Variants in PLCB1 observed in about 807,000 individuals in gnomAD.
PLCB1 encodes the protein phospholipase C beta 1, also known as 1-phosphatidylinositol 4,5-bisphosphate phosphodiesterase beta-1.
Under a neutral mutation model 161.8 loss-of-function variants are expected in PLCB1, and 46 were observed. That is an observed-to-expected ratio of 0.28 (90% CI 0.22 to 0.36). The LOEUF (loss-of-function observed/expected upper bound fraction) is 0.36. PLCB1 is among the 10% of genes least tolerant of loss of function. The pLI is 1.00. For missense variants in PLCB1, 1,016 were observed against 1,472.5 expected (o/e 0.69, Z 5.07); for synonymous variants, 517 against 503.7 (o/e 1.03, Z -0.35).
At chr20:8,643,909 C>T (rs1033471346) in intron 4 of PLCB1, among the ~76,000 whole-genome samples, 13 of 152,200 alleles carry the variant, frequency 8.5e-5, no homozygotes, top group Non-Finnish European at 1.5e-4. Flanking sequence ...ATTCTCCTGC[C>T]TCAGCCTGCC....
At chr20:8,491,231 A>G (rs1982933367) in intron 3 of PLCB1, among the ~76,000 whole-genome samples, 1 of 152,024 alleles carries the variant, frequency 6.6e-6, no homozygotes, top group Non-Finnish European at 1.5e-5. Flanking sequence ...TCCATCTATG[A>G]GCATGGTATA....
chr20:8,550,437 G>T (rs1020476339), intron 3 of PLCB1, among the ~76,000 whole-genome samples: 1 of 152,044 alleles, frequency 6.6e-6, no homozygotes, highest in Non-Finnish European at 1.5e-5. Flanking sequence ...CATGAGATCT[G>T]ATGGTCATAT....
chr20:8,739,010 G>T (rs1980728751), intron 20 of PLCB1, among the ~76,000 whole-genome samples: 1 of 152,134 alleles, frequency 6.6e-6, no homozygotes, highest in Non-Finnish European at 1.5e-5. Flanking sequence ...AAATTAGTCA[G>T]GTGTGGGGGC....
intron 2 of PLCB1, among the ~76,000 whole-genome samples, chr20:8,336,904 A>G (rs765480166): frequency 9.2e-5 from 14 of 151,976 alleles, no homozygotes; most frequent in Non-Finnish European, 1.8e-4. Flanking sequence ...TATGATTATA[A>G]TCTTTCCTTT....
At chr20:8,519,349 G>C (rs1179817667) in intron 3 of PLCB1, among the ~76,000 whole-genome samples, 1 of 152,006 alleles carries the variant, frequency 6.6e-6, no homozygotes, top group Non-Finnish European at 1.5e-5. Context: ...GGAAAGATAA[G>C]GAAAAACTTC....
chr20:8,563,219 C>T (rs1396828638), intron 3 of PLCB1, among the ~76,000 whole-genome samples: 1 of 151,832 alleles, frequency 6.6e-6, no homozygotes, highest in Admixed American at 6.6e-5. Flanking sequence ...GAATTAGGAG[C>T]AAGTAATTGA....
chr20:8,195,935 T>A (rs1331686421), intron 2 of PLCB1, among the ~76,000 whole-genome samples: 1 of 152,090 alleles, frequency 6.6e-6, no homozygotes, highest in Non-Finnish European at 1.5e-5. Context: ...GGCTCACAGT[T>A]CTGCTTGGCT....
At chr20:8,235,034 A>G (rs1187445591) in intron 2 of PLCB1, among the ~76,000 whole-genome samples, 6 of 152,092 alleles carry the variant, frequency 3.9e-5, no homozygotes, top group Non-Finnish European at 8.8e-5. Flanking sequence ...TGTCTCCTCA[A>G]AGATAACAAC....
rs551290479 is a variant in PLCB1, at chr20:8,188,137, A to G, written c.177+37766A>G. ...TGTATGAGGCTCTGGTCTTCCCAAC[A>G]TGTGTTTGTTGTGGGGCCCAGGTTT... On this transcript the variant is annotated intron_variant, in intron 2 of 31. Transcript: ENST00000338037. 1.2e-3 allele frequency among the ~76,000 whole-genome samples: 177 copies of G among 152,130 alleles called. 1 individual carries two copies. The highest frequency in any genetic ancestry group is 3.6e-3 in the African/African-American group (150 of 41,514).
intron 4 of PLCB1, among the ~76,000 whole-genome samples, chr20:8,638,351 C>T (rs1319704286): frequency 6.6e-6 from 1 of 151,720 alleles, no homozygotes; most frequent in African/African-American, 2.4e-5. Context: ...GTAGAGGTGA[C>T]AGGGAGGAAA....
intron 2 of PLCB1, among the ~76,000 whole-genome samples, chr20:8,259,419 C>T (rs974786800): frequency 6.6e-6 from 1 of 151,898 alleles, no homozygotes; most frequent in African/African-American, 2.4e-5. Flanking sequence ...GACTTAGAGA[C>T]CAGCCTGGGC....
At chr20:8,739,481 A>T (rs1980758738) in intron 21 of PLCB1, 121 bp downstream of exon 21, 1 of 670,244 alleles carries the variant, frequency 1.5e-6, no homozygotes, top group African/African-American at 1.8e-5. Context: ...GTTATGTAAC[A>T]AGGGCGATGA....
intron 3 of PLCB1, among the ~76,000 whole-genome samples, chr20:8,417,908 T>C (rs1483732961): frequency 6.6e-6 from 1 of 152,236 alleles, no homozygotes; most frequent in Non-Finnish European, 1.5e-5. Flanking sequence ...ACAAGAGGAC[T>C]CCTAAGTGTT....
intron 3 of PLCB1, among the ~76,000 whole-genome samples, chr20:8,591,035 C>T (rs1410045922): frequency 6.6e-6 from 1 of 152,122 alleles, no homozygotes; most frequent in Non-Finnish European, 1.5e-5. Context: ...CATGTGTTCT[C>T]ATTGTTCAGC....
rs73089657 is a variant in PLCB1 at position 8,873,329 on chromosome 20, G to A, written c.3424-8293G>A. On this transcript the variant is annotated intron_variant, in intron 31 of 31. Coordinates refer to ENST00000338037, the MANE Select transcript of PLCB1 (RefSeq NM_015192.4). ...TTTTGAAACCATTCATTCTATGAAT[G>A]TATGATTTTAATGCATTTCCCATTG... is the stretch of plus-strand genomic sequence containing the variant. Among the ~76,000 whole-genome samples, 1,144 of 152,232 alleles carry A rather than the reference G, an allele frequency of 7.5e-3. 6 individuals carry two copies. The highest frequency in any genetic ancestry group is 0.011 in the Non-Finnish European group (761 of 67,986).
At chr20:8,664,992 CAT>C (rs758551607) in intron 9 of PLCB1, among the ~76,000 whole-genome samples, 3 of 152,136 alleles carry the variant, frequency 2.0e-5, no homozygotes, top group African/African-American at 4.8e-5. Flanking sequence ...AGGCTTAAGT[CAT>C]ATGACTCCCC....
Position 8,881,767 on chromosome 20 carries a change from C to G in PLCB1, c.3569C>G (p.Pro1190Arg), listed in dbSNP as rs200781362. The change falls in exon 32 of 32, where the codon CCT (proline) becomes CGT (arginine). Residue 1190 changes from proline to arginine, a missense_variant. Around this residue, in one of 10 missense-constraint regions of PLCB1, gnomAD observed 398 missense variants for 445.4 expected, o/e 0.89. Coordinates refer to ENST00000338037, the MANE Select transcript of PLCB1 (RefSeq NM_015192.4). ...GSAPLSLSSDPGKVNHKTPSS... is the reference protein window; with the variant it reads ...GSAPLSLSSDRGKVNHKTPSS... The stretch of plus-strand genomic sequence containing the variant: ...GCCCCTCTCTCCCTGTCCTCAGACC[C>G]TGGAAAAGTGAACCACAAGACTCCC... 57 of 1,614,062 alleles carry G rather than the reference C, an allele frequency of 3.5e-5. No individual in the cohort carries two copies. The highest frequency in any genetic ancestry group is 2.3e-5 in the Non-Finnish European group (27 of 1,179,966).
intron 2 of PLCB1, among the ~76,000 whole-genome samples, chr20:8,304,392 C>A (rs6055723): frequency 6.6e-6 from 1 of 151,936 alleles, no homozygotes; most frequent in East Asian, 1.9e-4. Context: ...TAAGAGAAGC[C>A]TGTTTCATCT....
intron 12 of PLCB1, among the ~76,000 whole-genome samples, chr20:8,714,642 T>C (rs971465024): frequency 1.3e-5 from 2 of 152,190 alleles, no homozygotes; most frequent in Admixed American, 1.3e-4. Flanking sequence ...TGTGGCAGTG[T>C]ATTCTGATGG....
Sources: allele counts gnomAD v4.1 joint callset (sites outside exome capture counted in the v4.1 genomes callset), GRCh38; gene constraint gnomAD v4.1.1; regional missense constraint gnomAD v4.1.1; transcripts MANE v1.5; gene names NCBI Gene and HGNC (gene_info 2026-07-23, HGNC 2026-07-21).